SYNE2: variants seen among roughly 807,000 people sequenced by gnomAD.
The protein encoded by SYNE2 is nesprin-2.
Under a neutral mutation model 856.3 loss-of-function variants are expected in SYNE2, and 431 were observed. The ratio of observed to expected loss-of-function variants is 0.50; its 90% CI spans 0.47 to 0.55. The LOEUF (loss-of-function observed/expected upper bound fraction) is 0.55. Ranked by LOEUF, SYNE2 falls within the 20% of genes least tolerant of loss-of-function variation. SYNE2 has a pLI of 0.00. For synonymous variants in SYNE2, 2,923 were observed against 2,872.3 expected, an observed-to-expected ratio of 1.02 and a Z score of -0.56; for missense variants, 8,129 against 8,023.2, an observed-to-expected ratio of 1.01 and a Z score of -0.50.
chr14:64,110,329 G>A (rs1220708217), intron 65 of SYNE2, among the ~76,000 whole-genome samples: 2 of 152,178 alleles, frequency 1.3e-5, no homozygotes, highest in East Asian at 3.8e-4. Context: ...TGATGCAGAA[G>A]TGAAGCAATG....
intron 83 of SYNE2, among the ~76,000 whole-genome samples, chr14:64,145,262 G>A (rs909430641): frequency 6.6e-6 from 1 of 151,870 alleles, no homozygotes; most frequent in Admixed American, 6.5e-5. Flanking sequence ...GACAGGCTGG[G>A]CGTGGTGGCT....
At chr14:64,107,202 CA>C (rs751228172) in intron 64 of SYNE2, among the ~76,000 whole-genome samples, 1 of 152,096 alleles carries the variant, frequency 6.6e-6, no homozygotes, top group Non-Finnish European at 1.5e-5. Flanking sequence ...AATACTTCAA[CA>C]AGACAAAGCA....
chr14:64,099,147 T>C (rs1481386127), intron 63 of SYNE2: 4 of 342,250 alleles, frequency 1.2e-5, no homozygotes, highest in Middle Eastern at 9.8e-4. Context: ...GTCTCATTTT[T>C]AGAACTGTAT....
chr14:64,000,650 C>A lies in SYNE2; in HGVS notation c.3569C>A (p.Pro1190His), dbSNP rs1188688704. The change falls in exon 28 of 116, where the codon CCT becomes CAT. Residue 1190 changes from proline to histidine, a missense_variant. By Grantham distance (77) the Pro-to-His change is moderately conservative. This residue lies in a region of SYNE2 where 2,422 missense variants were observed against 2,357.4 expected (regional missense o/e 1.03). Coordinates refer to ENST00000555002, the MANE Select transcript of SYNE2 (RefSeq NM_182914.3). ...AATCATGTGAATGACATAAAAAAGCCTTTTGTAATTAAGGAAAGAGACACA... is the reference window on the plus strand; with the variant it reads ...AATCATGTGAATGACATAAAAAAGCATTTTGTAATTAAGGAAAGAGACACA... ...LENHVNDIKK[P>H]FVIKERDTLK... The A allele has an allele frequency of 6.2e-7, 1 of 1,613,276 alleles. No homozygotes were observed. The highest frequency in any genetic ancestry group is 8.5e-7 in the Non-Finnish European group (1 of 1,179,688).
intron 106 of SYNE2, among the ~76,000 whole-genome samples, chr14:64,214,821 C>A (rs2098658219): frequency 6.6e-6 from 1 of 152,146 alleles, no homozygotes; most frequent in African/African-American, 2.4e-5. Flanking sequence ...CTCATTGCAG[C>A]CTCAACCTCC....
intron 99 of SYNE2, among the ~76,000 whole-genome samples, chr14:64,200,394 C>A (rs1388893189): frequency 6.6e-6 from 1 of 152,152 alleles, no homozygotes; most frequent in Non-Finnish European, 1.5e-5. Flanking sequence ...TCCAGCAGAG[C>A]CTTCCAGGAG....
intron 111 of SYNE2, 99 bp downstream of exon 111, chr14:64,220,736 C>G: frequency 7.3e-7 from 1 of 1,371,808 alleles, no homozygotes; most frequent in South Asian, 1.2e-5. Flanking sequence ...TTCCGTGCAG[C>G]CAAATGTGGC....
intron 99 of SYNE2, among the ~76,000 whole-genome samples, chr14:64,194,840 A>C (rs2098533967): frequency 6.6e-6 from 1 of 152,234 alleles, no homozygotes; most frequent in South Asian, 2.1e-4. Flanking sequence ...CTTGGATCTC[A>C]TCCCCTCAAT....
intron 1 of SYNE2, among the ~76,000 whole-genome samples, chr14:63,875,828 C>T (rs994161010): frequency 1.3e-5 from 2 of 152,082 alleles, no homozygotes; most frequent in African/African-American, 4.8e-5. Flanking sequence ...GTGTATGGGC[C>T]GAAGGGAGGC....
chr14:64,005,604 A>C (rs1007765517), intron 30 of SYNE2, among the ~76,000 whole-genome samples: 12 of 152,216 alleles, frequency 7.9e-5, no homozygotes, highest in African/African-American at 2.9e-4. Context: ...GTGTTGGATG[A>C]AATGTATCAG....
At chr14:63,953,057 C>G (rs1478558906) in intron 7 of SYNE2, among the ~76,000 whole-genome samples, 1 of 152,092 alleles carries the variant, frequency 6.6e-6, no homozygotes, top group Non-Finnish European at 1.5e-5. Context: ...ATATGCCAGG[C>G]ATTGTTTGGG....
At chr14:64,009,513 G>A (rs974433171) in intron 31 of SYNE2, among the ~76,000 whole-genome samples, 1 of 134,806 alleles carries the variant, frequency 7.4e-6, no homozygotes, top group Non-Finnish European at 1.5e-5. Context: ...TCTAGCTTGG[G>A]TGACAGAGCT....
chr14:64,108,392 T>C (rs1414698067), intron 65 of SYNE2, among the ~76,000 whole-genome samples: 3 of 152,102 alleles, frequency 2.0e-5, no homozygotes, highest in Non-Finnish European at 4.4e-5. Context: ...GGCTTGTGAA[T>C]GGAGGAATAA....
chr14:64,214,748 A>G (rs969049219), intron 106 of SYNE2, among the ~76,000 whole-genome samples: 2 of 151,540 alleles, frequency 1.3e-5, no homozygotes, highest in Non-Finnish European at 2.9e-5. Flanking sequence ...CTCATCAGTG[A>G]TTTTTTTTTG....
rs370692798 is a variant in SYNE2 at position 63,941,722 on chromosome 14, C to T, written c.169C>T (p.Leu57=). 80 of 1,614,052 alleles carry T rather than the reference C, an allele frequency of 5.0e-5. No individual in the cohort carries two copies. The African/African-American group carries it at 9.5e-4, about 19-fold the overall frequency. The change falls in exon 4 of 116, where the codon CTA becomes TTA. Residue 57 remains leucine (L), a synonymous_variant. Coordinates refer to ENST00000555002, the MANE Select transcript of SYNE2 (RefSeq NM_182914.3). The part of the protein sequence containing the change: ...RHTSPSVISD[L]FTDIKKGHVL... ...CACTTCTCCCTCAGTTATATCCGAC[C>T]TATTCACAGACATTAAAAAGGGGCA...
chr14:64,017,898 C>A, intron 34 of SYNE2, 142 bp downstream of exon 34: 1 of 834,410 alleles, frequency 1.2e-6, no homozygotes, highest in Non-Finnish European at 1.9e-6. Flanking sequence ...GATCATTATT[C>A]AGTTGTTGAA....
chr14:64,052,023 G>A lies in SYNE2; in HGVS notation c.8110G>A (p.Asp2704Asn). Residue 2704 changes from aspartate (D) to asparagine (N), a missense_variant, in exon 48 of 116, where the codon GAT becomes AAT. Coordinates refer to ENST00000555002, the MANE Select transcript of SYNE2 (RefSeq NM_182914.3). ...WGEKEKKNLE[D>N]GINNLKKQWE... is the part of the protein sequence containing the mutation. Reference sequence around the variant, plus strand: ...AGAAAAAGAAAAGAAGAATTTGGAGGATGGAATAAATAACTTGAAGAAACA... The same window carrying A: ...AGAAAAAGAAAAGAAGAATTTGGAGAATGGAATAAATAACTTGAAGAAACA... The A allele has an allele frequency of 6.2e-7, 1 of 1,613,774 alleles. No homozygotes were observed. The highest frequency in any genetic ancestry group is 1.1e-5 in the South Asian group (1 of 91,026).
At chr14:64,184,613 A>G (rs2098479577) in intron 96 of SYNE2, among the ~76,000 whole-genome samples, 1 of 152,082 alleles carries the variant, frequency 6.6e-6, no homozygotes, top group South Asian at 2.1e-4. Context: ...AGGTTTCCAG[A>G]TCTCCAATTT....
Position 64,070,491 on chromosome 14 carries a change from T to C in SYNE2, c.10432-154T>C, listed in dbSNP as rs1255966. 0.74 allele frequency among the ~76,000 whole-genome samples: 112,037 copies of C among 152,166 alleles called. 43,734 individuals are homozygous for C. Among genetic ancestry groups the C allele is most frequent in the Non-Finnish European group, 0.87 (59,095 of 68,012 alleles). On this transcript the variant is annotated intron_variant, in intron 51 of 115. Coordinates refer to ENST00000555002, the MANE Select transcript of SYNE2 (RefSeq NM_182914.3). Reference sequence around the variant, plus strand: ...GCTGGGCATTATGGGATTCTGATAGTAGAGGATTAATATTCCCAGCTATAG... The same window carrying C: ...GCTGGGCATTATGGGATTCTGATAGCAGAGGATTAATATTCCCAGCTATAG...
Sources: allele counts gnomAD v4.1 joint callset (sites outside exome capture counted in the v4.1 genomes callset), GRCh38; gene constraint gnomAD v4.1.1; regional missense constraint gnomAD v4.1.1; transcripts MANE v1.5; gene names NCBI Gene and HGNC (gene_info 2026-07-23, HGNC 2026-07-21).